Variants in CSF1R observed in about 807,000 individuals in gnomAD.
The protein encoded by CSF1R is macrophage colony-stimulating factor 1 receptor.
A neutral mutation model predicts 110.0 loss-of-function variants in CSF1R; 40 were observed. That is an observed-to-expected ratio of 0.36 (90% CI 0.28 to 0.47). The LOEUF (loss-of-function observed/expected upper bound fraction) is 0.47, where lower values mean the gene tolerates loss of function less well. Ranked by LOEUF, CSF1R falls within the 20% of genes least tolerant of loss-of-function variation. CSF1R has a pLI of 0.99. For synonymous variants in CSF1R, 523 were observed against 503.4 expected, an observed-to-expected ratio of 1.04 and a Z score of -0.52; for missense variants, 1,052 against 1,253.0, an observed-to-expected ratio of 0.84 and a Z score of 2.42.
rs555269306 is a variant in CSF1R, at chr5:150,068,117, T to C, written c.1626+98A>G. ...ACTAAAGAGCTGTTAGCTGATGGAC[T>C]GACTGAGGAGGAGGAAGGGTGAATC... On this transcript the variant is annotated intron_variant, in intron 10 of 20. Transcript: ENST00000675795. 1.7e-5 allele frequency: 15 copies of C among 896,394 alleles called. No homozygotes were observed. In the Admixed American group the frequency reaches 2.4e-4, roughly 14 times the overall value. 55.5% of individuals were successfully genotyped at this position (896,394 alleles called of 1,614,324 possible).
At chr5:150,094,371 A>G in intron 1 of CSF1R, 1 of 1,599,960 alleles carries the variant, frequency 6.3e-7, no homozygotes, top group Non-Finnish European at 8.5e-7. Context: ...AAAGCGAAGG[A>G]ATTTCGCAGA....
At chr5:150,100,322 G>T (rs1324121263) in intron 1 of CSF1R, among the ~76,000 whole-genome samples, 3 of 67,808 alleles carry the variant, frequency 4.4e-5, no homozygotes, top group Non-Finnish European at 9.2e-5. Context: ...TTCTGAGACG[G>T]AGTCTTGCTC....
At chr5:150,055,675 C>T (rs905772710) in intron 18 of CSF1R, among the ~76,000 whole-genome samples, 3 of 152,216 alleles carry the variant, frequency 2.0e-5, no homozygotes, top group African/African-American at 7.2e-5. Flanking sequence ...GTCCTTGTGC[C>T]TAGTCCTCGG....
chr5:150,078,217 C>A lies in CSF1R; in HGVS notation c.624G>T (p.Val208=). The change falls in exon 4 of 21, where the codon GTG becomes GTT. Residue 208 remains valine, a synonymous_variant. Transcript: ENST00000675795. Reference sequence around the variant, plus strand: ...CTCGAATCCGCACCAGCTCTGCAGGCACCAGTGTCAAGGCTGGGGGCCCTG... The same window carrying A: ...CTCGAATCCGCACCAGCTCTGCAGGAACCAGTGTCAAGGCTGGGGGCCCTG... ...VIPGPPALTL[V]PAELVRIRGE... The A allele has an allele frequency of 1.2e-5, 20 of 1,614,136 alleles. No individual in the cohort carries two copies. The highest frequency in any genetic ancestry group is 1.7e-5 in the Non-Finnish European group (20 of 1,179,998).
rs59055324 is a variant in CSF1R, at chr5:150,083,349, AACACACACACACACACACACACACAC to A, written c.50-2351_50-2326del. Among the ~76,000 whole-genome samples the A allele has an allele frequency of 2.5e-3, 266 of 106,384 alleles. 1 individual carries two copies. The highest frequency in any genetic ancestry group is 4.6e-3 in the Admixed American group (48 of 10,350). 69.8% of individuals were successfully genotyped at this position (106,384 alleles called of 152,430 possible). On this transcript the variant is annotated intron_variant, in intron 1 of 20. Transcript: ENST00000675795. ...GCCCCAATCTCTACTCTTCTCTCCC[AACACACACACACACACACACACACAC>A]ACACACACACACACACACACACACA...
intron 1 of CSF1R, among the ~76,000 whole-genome samples, chr5:150,106,243 A>G (rs1759553713): frequency 6.6e-6 from 1 of 152,222 alleles, no homozygotes; most frequent in Non-Finnish European, 1.5e-5. Flanking sequence ...TTCCTGTGGC[A>G]GAGGAACTTT....
chr5:150,078,760 C>A (rs752868282), intron 3 of CSF1R, among the ~76,000 whole-genome samples: 1 of 152,124 alleles, frequency 6.6e-6, no homozygotes, highest in Non-Finnish European at 1.5e-5. Flanking sequence ...GCCTTTGCAC[C>A]CACCTTTCCC....
chr5:150,096,429 C>CA (rs1250314993), intron 1 of CSF1R, among the ~76,000 whole-genome samples: 1 of 152,090 alleles, frequency 6.6e-6, no homozygotes, highest in Admixed American at 6.6e-5. Context: ...ACCAATTCTA[C>CA]AAAAACTGTT....
Position 150,056,845 on chromosome 5 carries a change from T to G in CSF1R, c.2319+442A>C, listed in dbSNP as rs181032215. Among the ~76,000 whole-genome samples, 17 of 152,290 alleles carry G rather than the reference T, an allele frequency of 1.1e-4. No homozygotes were observed. The East Asian group carries it at 2.3e-3, about 21-fold the overall frequency. On this transcript the variant is annotated intron_variant, in intron 16 of 20. Coordinates refer to ENST00000675795, the MANE Select transcript of CSF1R (RefSeq NM_001288705.3). ...GTGGCAGAGCCAACAATCAAACCACTGACTCCCGAATCTGTTCTAAGGAAG... is the reference window on the plus strand; with the variant it reads ...GTGGCAGAGCCAACAATCAAACCACGGACTCCCGAATCTGTTCTAAGGAAG...
intron 12 of CSF1R, 50 bp downstream of exon 12, chr5:150,061,441 C>CCCGCCG: frequency 1.1e-6 from 1 of 904,452 alleles, no homozygotes; most frequent in Non-Finnish European, 1.6e-6. Context: ...CAGCCCACCC[C>CCCGCCG]CAGCATCTAC....
At chr5:150,077,737 C>A (rs1758334341) in intron 4 of CSF1R, among the ~76,000 whole-genome samples, 1 of 152,180 alleles carries the variant, frequency 6.6e-6, no homozygotes, top group Non-Finnish European at 1.5e-5. Context: ...CTCCCTCTCT[C>A]CCAATGTCTT....
rs867334850 is a variant in CSF1R, at chr5:150,079,993, C to A, written c.592+59G>T. 3.6e-5 allele frequency: 56 copies of A among 1,570,096 alleles called. No homozygotes were observed. In the African/African-American group the frequency reaches 7.1e-4, roughly 20 times the overall value. On this transcript the variant is annotated intron_variant, in intron 3 of 20. Transcript: ENST00000675795. The stretch of plus-strand genomic sequence containing the variant: ...CAGTCCCCAGTCACCACCCATGTGG[C>A]CGCCGGCTCTCTGTCCCCACTCTTC...
chr5:150,055,206 C>A (rs2113776194), intron 19 of CSF1R, 31 bp downstream of exon 19: 1 of 1,594,746 alleles, frequency 6.3e-7, no homozygotes, highest in South Asian at 1.1e-5. Flanking sequence ...CCTGGGGTGT[C>A]CTTTTCCCTC....
chr5:150,078,283 C>G, intron 3 of CSF1R, 35 bp from the exon 4 acceptor site: 1 of 1,611,996 alleles, frequency 6.2e-7, no homozygotes. Context: ...AACACCCAGG[C>G]TCCCTGAACA....
In CSF1R at chr5:150,083,658, TA is replaced by T. The variant is rs565887102; in HGVS notation, c.50-2635del. Among the ~76,000 whole-genome samples, 934 of 151,862 alleles carry T rather than the reference TA, an allele frequency of 6.2e-3. 13 individuals carry two copies. The highest frequency in any genetic ancestry group is 0.021 in the African/African-American group (865 of 41,336). ...ACACCATGCCCCTGTGAAGGGAAAATAAAAACTTGGGACCCTAATTCACTCT... is the reference window on the plus strand; with the variant it reads ...ACACCATGCCCCTGTGAAGGGAAAATAAAACTTGGGACCCTAATTCACTCT... On this transcript the variant is annotated intron_variant, in intron 1 of 20. Transcript: ENST00000675795.
At chr5:150,110,783 A>G (rs965092345) in intron 1 of CSF1R, among the ~76,000 whole-genome samples, 2 of 152,264 alleles carry the variant, frequency 1.3e-5, no homozygotes, top group Non-Finnish European at 2.9e-5. Flanking sequence ...TAAAGAGAAT[A>G]AAGATTTAAA....
chr5:150,077,285 G>A lies in CSF1R; in HGVS notation c.880C>T (p.Arg294Trp), dbSNP rs371848144. The A allele has an allele frequency of 2.2e-5, 36 of 1,614,052 alleles. No individual in the cohort carries two copies. Among genetic ancestry groups the A allele is most frequent in the African/African-American group, 1.3e-4 (10 of 74,922 alleles). The change falls in exon 5 of 21, where the codon CGG (arginine) becomes TGG (tryptophan). Residue 294 changes from arginine (R) to tryptophan (W), a missense_variant. Around this residue, in one of 5 missense-constraint regions of CSF1R, gnomAD observed 693 missense variants for 735.4 expected, o/e 0.94. Coordinates refer to ENST00000675795, the MANE Select transcript of CSF1R (RefSeq NM_001288705.3). ...CCACCCTGATGCTTACCTACCACCC[G>A]GAAGAACATGGAGGTGGAGTGCTTG... ...QGKHSTSMFF[R>W]VVESAYLNLS...
intron 6 of CSF1R, among the ~76,000 whole-genome samples, chr5:150,071,516 G>A (rs1196553506): frequency 1.3e-5 from 2 of 152,152 alleles, no homozygotes; most frequent in Admixed American, 1.3e-4. Context: ...CATATACAAG[G>A]CCTCTGCCCA....
At chr5:150,104,354 T>C (rs1759486637) in intron 1 of CSF1R, among the ~76,000 whole-genome samples, 1 of 152,248 alleles carries the variant, frequency 6.6e-6, no homozygotes, top group African/African-American at 2.4e-5. Context: ...GATCAAAGGA[T>C]GCTGCTTGTC....
Sources: gnomAD v4.1 joint callset for allele counts (sites outside exome capture counted in the v4.1 genomes callset) on GRCh38, gnomAD v4.1.1 for gene constraint, gnomAD v4.1.1 regional missense constraint, MANE v1.5 for transcripts, NCBI Gene and HGNC (gene_info 2026-07-23, HGNC 2026-07-21) for gene names.